Variants in BNC2 observed in about 807,000 individuals in gnomAD.
BNC2 encodes the protein basonuclin zinc finger protein 2.
Under a neutral mutation model 76.3 loss-of-function variants are expected in BNC2, and 20 were observed. That is an observed-to-expected ratio of 0.26 (90% confidence interval 0.18 to 0.38). The LOEUF is 0.38. Ranked by LOEUF, BNC2 falls within the 10% of genes least tolerant of loss-of-function variation. The probability of loss-of-function intolerance (pLI) is 1.00; values close to 1 mark genes in which losing one functional copy is unlikely to be tolerated. For missense variants in BNC2, 1,382 were observed against 1,399.8 expected (o/e 0.99, Z 0.20); for synonymous variants, 582 against 514.8 (o/e 1.13, Z -1.77).
intron 5 of BNC2, among the ~76,000 whole-genome samples, chr9:16,541,890 A>T (rs950130476): frequency 1.4e-4 from 21 of 152,170 alleles, no homozygotes; most frequent in African/African-American, 5.1e-4. Context: ...CTGAAAAAAA[A>T]TGCCTATTGT....
At chr9:16,541,336 G>C (rs1047792547) in intron 5 of BNC2, among the ~76,000 whole-genome samples, 2 of 152,192 alleles carry the variant, frequency 1.3e-5, no homozygotes, top group Non-Finnish European at 2.9e-5. Flanking sequence ...CCCTGGCTCA[G>C]CTATTATGAA....
At chr9:16,763,531 C>T (rs1228420328) in intron 1 of BNC2, among the ~76,000 whole-genome samples, 1 of 151,980 alleles carries the variant, frequency 6.6e-6, no homozygotes, top group Non-Finnish European at 1.5e-5. Context: ...GTTCACACCA[C>T]TGCACTCCAG....
intron 5 of BNC2, among the ~76,000 whole-genome samples, chr9:16,492,689 C>CTCCA (rs1354580494): frequency 6.6e-6 from 1 of 150,562 alleles, no homozygotes; most frequent in African/African-American, 2.4e-5. Context: ...ATACCAAAAG[C>CTCCA]TCCATCCTTC....
At chr9:16,745,402 G>T (rs1206470191) in intron 1 of BNC2, among the ~76,000 whole-genome samples, 1 of 152,136 alleles carries the variant, frequency 6.6e-6, no homozygotes, top group Non-Finnish European at 1.5e-5. Flanking sequence ...TGAGGGAATG[G>T]GCAGGGAGAG....
chr9:16,741,159 T>C (rs950003671), intron 1 of BNC2, among the ~76,000 whole-genome samples: 2 of 151,996 alleles, frequency 1.3e-5, no homozygotes, highest in South Asian at 2.1e-4. Flanking sequence ...GAAGAAAACA[T>C]TGGGTCCAAC....
Position 16,412,720 on chromosome 9 carries a change from GGAGAGAGAGA to G in BNC2, c.*6259_*6268del, listed in dbSNP as rs58174243. On this transcript the variant is annotated 3_prime_UTR_variant, in exon 7 of 7. Transcript: ENST00000380672. ...AATAAGAGGGAAGGAGAGAGAGAGG[GGAGAGAGAGA>G]GAGAGAGAGAGAGAGAGAGAGAGAG... The G allele has an allele frequency of 0.086, 10,359 of 119,812 alleles. 517 individuals carry two copies. Among genetic ancestry groups the G allele is most frequent in the Admixed American group, 0.13 (1,480 of 11,174 alleles). The allele number at this position is 119,812 out of a possible 1,614,324, so 7.4% of individuals were successfully genotyped here.
At chr9:16,703,251 A>G (rs756222775) in intron 3 of BNC2, among the ~76,000 whole-genome samples, 1 of 152,226 alleles carries the variant, frequency 6.6e-6, no homozygotes, top group Non-Finnish European at 1.5e-5. Context: ...ATGTTAATTG[A>G]CAGATTTTTC....
intron 5 of BNC2, among the ~76,000 whole-genome samples, chr9:16,489,298 C>A (rs751607490): frequency 6.6e-6 from 1 of 152,118 alleles, no homozygotes; most frequent in Non-Finnish European, 1.5e-5. Context: ...GGCTATGCAA[C>A]TAAGGAAATC....
Position 16,526,464 on chromosome 9 carries a change from ATGC to A in BNC2, c.669+26063_669+26065del, listed in dbSNP as rs1422727681. Among the ~76,000 whole-genome samples the A allele has an allele frequency of 1.1e-3, 124 of 109,946 alleles. 1 individual carries two copies. Among genetic ancestry groups the A allele is most frequent in the African/African-American group, 4.1e-3 (115 of 28,348 alleles). 72.1% of individuals were successfully genotyped at this position (109,946 alleles called of 152,430 possible). On this transcript the variant is annotated intron_variant, in intron 5 of 6. Transcript: ENST00000380672. ...TGGGATTACTTCCCAACATAGTTTA[ATGC>A]TTTTTTTTTTTTTTTTTTTTTTTTT...
intron 1 of BNC2, among the ~76,000 whole-genome samples, chr9:16,844,230 A>C (rs1818907095): frequency 6.6e-6 from 1 of 152,144 alleles, no homozygotes; most frequent in Non-Finnish European, 1.5e-5. Context: ...ACTGACACAA[A>C]ATCTGATGGG....
intron 1 of BNC2, among the ~76,000 whole-genome samples, chr9:16,800,174 G>A (rs1404362309): frequency 6.6e-6 from 1 of 150,842 alleles, no homozygotes; most frequent in Non-Finnish European, 1.5e-5. Flanking sequence ...GCAGTGAGCC[G>A]AGATTGCACC....
intron 3 of BNC2, among the ~76,000 whole-genome samples, chr9:16,707,150 T>C (rs1352393711): frequency 6.6e-6 from 1 of 151,080 alleles, no homozygotes; most frequent in Non-Finnish European, 1.5e-5. Context: ...TGCAGTGAGC[T>C]GAGATCGCGC....
intron 1 of BNC2, among the ~76,000 whole-genome samples, chr9:16,761,118 C>A (rs1825540403): frequency 6.6e-6 from 1 of 151,888 alleles, no homozygotes; most frequent in African/African-American, 2.4e-5. Flanking sequence ...AGTGGTGGCA[C>A]ATGCCTGTGG....
At chr9:16,627,470 C>T (rs1275027584) in intron 3 of BNC2, among the ~76,000 whole-genome samples, 1 of 152,174 alleles carries the variant, frequency 6.6e-6, no homozygotes, top group Admixed American at 6.5e-5. Flanking sequence ...CTGGTGATAA[C>T]AGGCCAATAT....
intron 1 of BNC2, among the ~76,000 whole-genome samples, chr9:16,747,545 G>A (rs1825046889): frequency 1.3e-5 from 2 of 152,134 alleles, no homozygotes. Flanking sequence ...TTACCAATAA[G>A]GAAATCGAAG....
At chr9:16,642,034 A>G (rs1411178683) in intron 3 of BNC2, among the ~76,000 whole-genome samples, 5 of 152,238 alleles carry the variant, frequency 3.3e-5, no homozygotes, top group Admixed American at 3.3e-4. Flanking sequence ...CAAGTTATTA[A>G]GCAACATTTA....
chr9:16,668,899 C>T (rs1242932082), intron 3 of BNC2, among the ~76,000 whole-genome samples: 1 of 152,132 alleles, frequency 6.6e-6, no homozygotes, highest in African/African-American at 2.4e-5. Context: ...AAATAATTCA[C>T]AACAATCCAT....
rs528554736 is a variant in BNC2, at chr9:16,753,176, T to C, written c.4-14691A>G. On this transcript the variant is annotated intron_variant, in intron 1 of 6. Coordinates refer to ENST00000380672, the MANE Select transcript of BNC2 (RefSeq NM_017637.6). Reference sequence around the variant, plus strand: ...CAATGGCTGTTAAGGTAAAGCTTAATCCCAAATGTGTAAGCATAAAACTAC... The same window carrying C: ...CAATGGCTGTTAAGGTAAAGCTTAACCCCAAATGTGTAAGCATAAAACTAC... Among the ~76,000 whole-genome samples the C allele has an allele frequency of 3.3e-5, 5 of 152,262 alleles. No individual in the cohort carries two copies. In the South Asian group the frequency reaches 1.0e-3, roughly 32 times the overall value.
intron 1 of BNC2, among the ~76,000 whole-genome samples, chr9:16,825,489 T>G (rs1449964439): frequency 6.6e-6 from 1 of 152,176 alleles, no homozygotes; most frequent in Non-Finnish European, 1.5e-5. Flanking sequence ...GCTTCTAGTT[T>G]ACCAGTTCAT....
Sources: allele counts gnomAD v4.1 joint callset (sites outside exome capture counted in the v4.1 genomes callset), GRCh38; gene constraint gnomAD v4.1.1; transcripts MANE v1.5; gene names NCBI Gene and HGNC (gene_info 2026-07-23, HGNC 2026-07-21).